ARHGAP26: variants seen among roughly 807,000 people sequenced by gnomAD.
ARHGAP26 encodes the protein rho GTPase-activating protein 26.
ARHGAP26 carries 38 observed loss-of-function variants against 104.8 expected under a neutral mutation model. That is an observed-to-expected ratio of 0.36 (90% CI 0.28 to 0.48). The LOEUF (loss-of-function observed/expected upper bound fraction) is 0.48. Among genes scored for constraint, ARHGAP26 ranks in the 20% least tolerant of loss-of-function variants. ARHGAP26 has a pLI of 0.99. For synonymous variants in ARHGAP26, 341 were observed against 340.0 expected, an observed-to-expected ratio of 1.00 and a Z score of -0.03; for missense variants, 704 against 947.9, an observed-to-expected ratio of 0.74 and a Z score of 3.38.
intron 20 of ARHGAP26, among the ~76,000 whole-genome samples, chr5:143,188,151 A>G (rs1805423881): frequency 6.6e-6 from 1 of 152,248 alleles, no homozygotes; most frequent in African/African-American, 2.4e-5. Context: ...AAATCCATGC[A>G]AACAAATAAA....
chr5:143,141,341 T>G (rs765176077), intron 19 of ARHGAP26, among the ~76,000 whole-genome samples: 69 of 152,214 alleles, frequency 4.5e-4, no homozygotes, highest in Non-Finnish European at 8.5e-4. Flanking sequence ...GTGAGTCTGC[T>G]TCGTTAAAAA....
chr5:142,898,609 T>C (rs192805294), intron 6 of ARHGAP26, among the ~76,000 whole-genome samples: 23 of 152,104 alleles, frequency 1.5e-4, no homozygotes, highest in Non-Finnish European at 3.1e-4. Flanking sequence ...TTCTAACACG[T>C]CAGTCTGATT....
At chr5:142,866,905 A>G (rs2152330364) in intron 1 of ARHGAP26, 1 of 152,314 alleles carries the variant, frequency 6.6e-6, no homozygotes, top group East Asian at 1.9e-4. Flanking sequence ...TGTGAGAGAC[A>G]CTGTGGTGGT....
At chr5:142,898,529 C>CT (rs1485203503) in intron 6 of ARHGAP26, among the ~76,000 whole-genome samples, 1 of 152,160 alleles carries the variant, frequency 6.6e-6, no homozygotes, top group Non-Finnish European at 1.5e-5. Context: ...GGCCTTCATT[C>CT]TTTTCTCTGG....
At chr5:142,824,138 A>ATG (rs139907602) in intron 1 of ARHGAP26, among the ~76,000 whole-genome samples, 231 of 151,254 alleles carry the variant, frequency 1.5e-3, no homozygotes, top group African/African-American at 5.3e-3. Context: ...TGTTGTGTGT[A>ATG]TGTGTGTGTG....
At position 143,041,806 on chromosome 5, in the gene ARHGAP26, C is replaced by A. The variant is rs1263686192; in HGVS notation, c.1211-10C>A. The A allele has an allele frequency of 6.3e-7, 1 of 1,598,932 alleles. No individual in the cohort carries two copies. The highest frequency in any genetic ancestry group is 1.1e-5 in the South Asian group (1 of 89,472). The stretch of plus-strand genomic sequence containing the variant: ...GCCTCTAATTAAATCATCACTGTTT[C>A]TTTCCTCAGGGATCAACGAGCAAGG... On this transcript the variant is annotated splice_polypyrimidine_tract_variant and intron_variant, in intron 13 of 22. Transcript: ENST00000645722.
intron 17 of ARHGAP26, among the ~76,000 whole-genome samples, chr5:143,120,542 T>G (rs11950635): frequency 0.035 from 5,347 of 152,350 alleles, 122 homozygotes; most frequent in South Asian, 0.083. Flanking sequence ...TATGTCTATT[T>G]AATGCTTATG....
At chr5:142,865,691 C>T (rs2152326014) in intron 1 of ARHGAP26, among the ~76,000 whole-genome samples, 1 of 152,254 alleles carries the variant, frequency 6.6e-6, no homozygotes, top group African/African-American at 2.4e-5. Context: ...TCTGGGCCAG[C>T]TCCTTAGTAA....
intron 11 of ARHGAP26, among the ~76,000 whole-genome samples, chr5:142,948,969 G>T (rs1289827703): frequency 6.6e-6 from 1 of 151,880 alleles, no homozygotes; most frequent in Non-Finnish European, 1.5e-5. Context: ...GCCAGGCATG[G>T]TGGCGGGTGC....
chr5:142,984,508 G>GT (rs1456406668), intron 11 of ARHGAP26, among the ~76,000 whole-genome samples: 1 of 152,084 alleles, frequency 6.6e-6, no homozygotes, highest in African/African-American at 2.4e-5. Context: ...TATATAATTT[G>GT]TAACATTTTG....
At chr5:142,778,359 G>A (rs764979434) in intron 1 of ARHGAP26, among the ~76,000 whole-genome samples, 12 of 152,136 alleles carry the variant, frequency 7.9e-5, no homozygotes, top group Non-Finnish European at 1.5e-4. Context: ...GAGTATAGAC[G>A]TATACAGTGT....
intron 6 of ARHGAP26, among the ~76,000 whole-genome samples, chr5:142,894,880 A>G (rs1199996838): frequency 6.6e-6 from 1 of 152,224 alleles, no homozygotes; most frequent in Non-Finnish European, 1.5e-5. Context: ...ACAGAACAGC[A>G]TAGAGACTCT....
chr5:142,864,641 TCTC>T (rs1484102336), intron 1 of ARHGAP26, among the ~76,000 whole-genome samples: 6 of 152,296 alleles, frequency 3.9e-5, no homozygotes, highest in Middle Eastern at 3.4e-3. Flanking sequence ...TTTGGTTGAT[TCTC>T]CTTTCTCCAA....
chr5:142,816,174 T>A (rs1298491398), intron 1 of ARHGAP26, among the ~76,000 whole-genome samples: 1 of 152,180 alleles, frequency 6.6e-6, no homozygotes, highest in Non-Finnish European at 1.5e-5. Context: ...CTCATTTGGG[T>A]ACAATTTGAT....
intron 19 of ARHGAP26, 110 bp downstream of exon 19, chr5:143,134,215 T>A: frequency 7.5e-7 from 1 of 1,337,134 alleles, no homozygotes; most frequent in Non-Finnish European, 1.0e-6. Context: ...TGGCTTTTTG[T>A]GTCCTTGAAG....
At chr5:142,852,718 C>A (rs1306790509) in intron 1 of ARHGAP26, among the ~76,000 whole-genome samples, 6 of 152,158 alleles carry the variant, frequency 3.9e-5, no homozygotes, top group African/African-American at 1.4e-4. Flanking sequence ...TTCTTTGATC[C>A]AGAGGAGGTC....
intron 11 of ARHGAP26, among the ~76,000 whole-genome samples, chr5:142,952,609 T>A (rs552902725): frequency 2.4e-4 from 36 of 152,324 alleles, no homozygotes; most frequent in Middle Eastern, 3.4e-3. Context: ...GGACCATTTT[T>A]TCAGCTATTC....
chr5:143,200,694 A>G (rs1807572632), intron 20 of ARHGAP26, among the ~76,000 whole-genome samples: 1 of 152,158 alleles, frequency 6.6e-6, no homozygotes, highest in Admixed American at 6.5e-5. Flanking sequence ...GGTTTTTGGT[A>G]TTTTCCAATT....
intron 10 of ARHGAP26, among the ~76,000 whole-genome samples, chr5:142,915,876 C>T (rs1209482747): frequency 6.6e-6 from 1 of 152,130 alleles, no homozygotes; most frequent in East Asian, 1.9e-4. Context: ...TGGGTAGCTG[C>T]ATCCCTGGGA....
Sources: gnomAD v4.1 joint callset for allele counts (sites outside exome capture counted in the v4.1 genomes callset) on GRCh38, gnomAD v4.1.1 for gene constraint, MANE v1.5 for transcripts, NCBI Gene and HGNC (gene_info 2026-07-23, HGNC 2026-07-21) for gene names.